PDE10A: variants seen among roughly 807,000 people sequenced by gnomAD.
PDE10A encodes phosphodiesterase 10A.
In PDE10A, 39 loss-of-function variants were observed where a neutral mutation model predicts 97.7. The ratio of observed to expected loss-of-function variants is 0.40; its 90% confidence interval spans 0.31 to 0.52. The LOEUF (loss-of-function observed/expected upper bound fraction) is 0.52. PDE10A is among the 20% of genes least tolerant of loss of function. The pLI is 0.56. For missense variants in PDE10A, 731 were observed against 1,047.8 expected (o/e 0.70, Z 4.17); for synonymous variants, 371 against 376.8 (o/e 0.98, Z 0.18).
intron 1 of PDE10A, among the ~76,000 whole-genome samples, chr6:165,627,209 G>T (rs181970299): frequency 6.6e-6 from 1 of 152,132 alleles, no homozygotes; most frequent in East Asian, 1.9e-4. Flanking sequence ...TTTGTTGAAG[G>T]TCTCACAATG....
At chr6:165,630,089 T>G (rs1336231201) in intron 1 of PDE10A, among the ~76,000 whole-genome samples, 2 of 152,150 alleles carry the variant, frequency 1.3e-5, no homozygotes, top group Admixed American at 1.3e-4. Flanking sequence ...GGCTCTCGCC[T>G]GTAATCCCAG....
intron 1 of PDE10A, among the ~76,000 whole-genome samples, chr6:165,729,402 T>C (rs1792371697): frequency 6.6e-6 from 1 of 152,176 alleles, no homozygotes; most frequent in African/African-American, 2.4e-5. Context: ...AGCAATCTTC[T>C]TAGACATGGA....
intron 1 of PDE10A, among the ~76,000 whole-genome samples, chr6:165,715,963 A>G (rs1792016589): frequency 6.6e-6 from 1 of 152,198 alleles, no homozygotes; most frequent in African/African-American, 2.4e-5. Flanking sequence ...GTAATAGTGA[A>G]TGCAGGCTTT....
intron 1 of PDE10A, among the ~76,000 whole-genome samples, chr6:165,770,666 C>T (rs1365863625): frequency 2.0e-5 from 3 of 152,186 alleles, no homozygotes; most frequent in East Asian, 1.9e-4. Context: ...TCCCTCCTCC[C>T]GGGAGAGTCA....
chr6:165,749,462 A>C (rs1385253318), intron 1 of PDE10A, among the ~76,000 whole-genome samples: 11 of 138,612 alleles, frequency 7.9e-5, no homozygotes, highest in African/African-American at 1.3e-4. Flanking sequence ...CATCACCATC[A>C]TCAACAACAC....
chr6:165,667,668 A>C (rs1562673695), upstream of PDE10A, among the ~76,000 whole-genome samples: 1 of 151,286 alleles, frequency 6.6e-6, no homozygotes, highest in African/African-American at 2.4e-5. Context: ...GCTTCTCTTC[A>C]ATGACAGAAA....
Position 165,433,022 on chromosome 6 carries a change from C to T in PDE10A, c.1443G>A (p.Glu481=). The T allele has an allele frequency of 6.2e-7, 1 of 1,613,984 alleles. No individual in the cohort carries two copies. The highest frequency in any genetic ancestry group is 8.5e-7 in the Non-Finnish European group (1 of 1,179,922). The change falls in exon 7 of 22, where the codon GAG becomes GAA. Residue 481 remains glutamate, a synonymous_variant. Coordinates refer to ENST00000539869, the MANE Select transcript of PDE10A (RefSeq NM_001385079.1). The part of the protein sequence containing the change: ...TAIGDLIGIL[E]LYRHWGKEAF... ...CTTCTTTGCCCCAGTGCCGATACAG[C>T]TCGAGAATACCAATCAAGTCACCAA...
At chr6:165,893,565 A>G (rs1781859858) in intron 1 of PDE10A, among the ~76,000 whole-genome samples, 1 of 152,248 alleles carries the variant, frequency 6.6e-6, no homozygotes, top group African/African-American at 2.4e-5. Flanking sequence ...TAGCCTTTGA[A>G]GCAGATATGT....
At chr6:165,962,398 C>T (rs979343120) in intron 1 of PDE10A, among the ~76,000 whole-genome samples, 3 of 152,226 alleles carry the variant, frequency 2.0e-5, no homozygotes, top group Admixed American at 6.5e-5. Flanking sequence ...TTGCACTTCT[C>T]GTCTTCAGGA....
At chr6:165,474,929 A>C (rs528950568) in intron 3 of PDE10A, among the ~76,000 whole-genome samples, 1 of 152,284 alleles carries the variant, frequency 6.6e-6, no homozygotes, top group African/African-American at 2.4e-5. Context: ...TGAGTTTCTA[A>C]GTGTTTTTGG....
intron 1 of PDE10A, among the ~76,000 whole-genome samples, chr6:165,771,893 A>T (rs1295192677): frequency 6.6e-6 from 1 of 152,086 alleles, no homozygotes; most frequent in African/African-American, 2.4e-5. Flanking sequence ...AGCTGGCTGC[A>T]TGAGGGGAAG....
At chr6:165,368,307 A>C (rs2128198356) in intron 18 of PDE10A, among the ~76,000 whole-genome samples, 1 of 152,292 alleles carries the variant, frequency 6.6e-6, no homozygotes, top group African/African-American at 2.4e-5. Context: ...ATATTTCTTA[A>C]ATTCTTTAAT....
At chr6:165,343,240 T>C in intron 19 of PDE10A, 151 bp downstream of exon 19, 1 of 631,004 alleles carries the variant, frequency 1.6e-6, no homozygotes, top group Non-Finnish European at 2.9e-6. Context: ...TCTCTCTTTG[T>C]ATCTGCATAA....
chr6:165,838,314 G>C (rs1780122234), intron 1 of PDE10A, among the ~76,000 whole-genome samples: 1 of 152,082 alleles, frequency 6.6e-6, no homozygotes, highest in Non-Finnish European at 1.5e-5. Flanking sequence ...ATATAAACTA[G>C]GGTTTTCTAA....
At chr6:165,725,972 G>A (rs1292921021) in intron 1 of PDE10A, among the ~76,000 whole-genome samples, 1 of 152,210 alleles carries the variant, frequency 6.6e-6, no homozygotes, top group East Asian at 1.9e-4. Flanking sequence ...CAGGAACGGA[G>A]TTCAATTGGC....
At chr6:165,379,023 C>A (rs534739480) in intron 18 of PDE10A, among the ~76,000 whole-genome samples, 171 bp downstream of exon 18, 1 of 152,246 alleles carries the variant, frequency 6.6e-6, no homozygotes, top group South Asian at 2.1e-4. Context: ...TCTTGTCAAA[C>A]AACAAAGCAT....
At chr6:165,516,508 C>T (rs1265916126) in intron 2 of PDE10A, among the ~76,000 whole-genome samples, 3 of 152,134 alleles carry the variant, frequency 2.0e-5, no homozygotes, top group African/African-American at 2.4e-5. Context: ...TACCATTGTA[C>T]ATAAAACCTT....
rs187210979 is a variant in PDE10A, at chr6:165,480,049, T to C, written c.1023+2266A>G. On this transcript the variant is annotated intron_variant, in intron 3 of 21. Transcript: ENST00000539869. ...GGGTCAAGACGCAATTAGTCTGTAG[T>C]GTTAAGGCTGCAATGTTTTAAAGAT... is the stretch of plus-strand genomic sequence containing the variant. Among the ~76,000 whole-genome samples, 244 of 152,296 alleles carry C rather than the reference T, an allele frequency of 1.6e-3. 2 individuals are homozygous for C. The highest frequency in any genetic ancestry group is 5.7e-3 in the African/African-American group (237 of 41,560).
At chr6:165,582,845 T>C (rs566560653) in intron 1 of PDE10A, among the ~76,000 whole-genome samples, 1 of 152,288 alleles carries the variant, frequency 6.6e-6, no homozygotes, top group East Asian at 1.9e-4. Context: ...ATATAAAATA[T>C]ATATATTGAG....
Sources: gnomAD v4.1 joint callset for allele counts (sites outside exome capture counted in the v4.1 genomes callset) on GRCh38, gnomAD v4.1.1 for gene constraint, MANE v1.5 for transcripts, NCBI Gene and HGNC (gene_info 2026-07-23, HGNC 2026-07-21) for gene names.